SLC37A1: variants seen among roughly 807,000 people sequenced by gnomAD.
SLC37A1 encodes the protein glucose-6-phosphate exchanger SLC37A1.
In SLC37A1, 49 loss-of-function variants were observed where a neutral mutation model predicts 75.3. The observed-to-expected ratio is 0.65, with a 90% CI of 0.52 to 0.83. The LOEUF (loss-of-function observed/expected upper bound fraction) is 0.83, where lower values mean the gene tolerates loss of function less well. Ranked by LOEUF, SLC37A1 falls within the 40% of genes least tolerant of loss-of-function variation. SLC37A1 has a pLI of 0.00. For missense variants in SLC37A1, 566 were observed against 695.0 expected (o/e 0.81, Z 2.09); for synonymous variants, 268 against 292.1 (o/e 0.92, Z 0.84).
At chr21:42,506,854 T>C (rs1476741077) in intron 2 of SLC37A1, among the ~76,000 whole-genome samples, 1 of 152,172 alleles carries the variant, frequency 6.6e-6, no homozygotes, top group African/African-American at 2.4e-5. Context: ...TTGAGTAATA[T>C]TCAGGAAAGA....
At chr21:42,529,894 G>A (rs754919809) in intron 3 of SLC37A1, among the ~76,000 whole-genome samples, 16 of 152,136 alleles carry the variant, frequency 1.1e-4, no homozygotes, top group African/African-American at 2.9e-4. Context: ...AAGCGTTAGC[G>A]CCTTTTGGTG....
rs571910261 is a variant in SLC37A1 at position 42,560,917 on chromosome 21, C to T, written c.982-1161C>T. Among the ~76,000 whole-genome samples the T allele has an allele frequency of 3.3e-5, 5 of 152,208 alleles. No homozygotes were observed. In the South Asian group the frequency reaches 1.0e-3, roughly 32 times the overall value. On this transcript the variant is annotated intron_variant, in intron 11 of 19. Transcript: ENST00000352133. ...GGCTTCAGAGGTCCCGCTCAAGCCT[C>T]CCCCTGCCACCGCCAGGCTGAGTGT...
intron 10 of SLC37A1, 64 bp downstream of exon 10, chr21:42,554,206 C>A: frequency 6.9e-7 from 1 of 1,443,888 alleles, no homozygotes; most frequent in Admixed American, 1.8e-5. Flanking sequence ...CTTTGAGCCA[C>A]GTCGGCTCTC....
intron 1 of SLC37A1, among the ~76,000 whole-genome samples, chr21:42,515,845 G>A (rs1298239296): frequency 2.6e-5 from 4 of 152,128 alleles, no homozygotes; most frequent in South Asian, 4.1e-4. Context: ...TGCAACCTCC[G>A]CTTCCCAGGT....
intron 3 of SLC37A1, among the ~76,000 whole-genome samples, chr21:42,534,048 A>G (rs909764224): frequency 1.3e-5 from 2 of 152,190 alleles, no homozygotes; most frequent in Admixed American, 1.3e-4. Flanking sequence ...AGGGGTAGTC[A>G]TCCTCTAGGT....
At chr21:42,563,571 G>T (rs1252169873) in intron 12 of SLC37A1, among the ~76,000 whole-genome samples, 1 of 152,240 alleles carries the variant, frequency 6.6e-6, no homozygotes, top group Non-Finnish European at 1.5e-5. Context: ...CCCTGGGGGG[G>T]TCTCTGAACC....
At chr21:42,500,047 C>G (rs187600816) in intron 1 of SLC37A1, among the ~76,000 whole-genome samples, 25 of 152,302 alleles carry the variant, frequency 1.6e-4, no homozygotes, top group African/African-American at 5.5e-4. Flanking sequence ...CTTCTGAGCT[C>G]TCCTGGACAG....
At position 42,523,516 on chromosome 21, in the gene SLC37A1, C is replaced by T. The variant is rs78292382; in HGVS notation, c.57-2260C>T. Among the ~76,000 whole-genome samples the T allele has an allele frequency of 2.2e-3, 332 of 152,360 alleles. 1 individual carries two copies. Among genetic ancestry groups the T allele is most frequent in the African/African-American group, 7.7e-3 (321 of 41,576 alleles). ...GCCTAACAGAGAGCTTCATCCAAAGCGCTGAGACTTTCTTTCCTTGCCAGA... is the reference window on the plus strand; with the variant it reads ...GCCTAACAGAGAGCTTCATCCAAAGTGCTGAGACTTTCTTTCCTTGCCAGA... On this transcript the variant is annotated intron_variant, in intron 2 of 19. Coordinates refer to ENST00000352133, the MANE Select transcript of SLC37A1 (RefSeq NM_001320537.2).
At chr21:42,562,382 C>T (rs1275850924) in intron 12 of SLC37A1, among the ~76,000 whole-genome samples, 4 of 152,292 alleles carry the variant, frequency 2.6e-5, no homozygotes, top group Non-Finnish European at 4.4e-5. Context: ...TGGGGCTTCA[C>T]GGTTGACACG....
At chr21:42,518,130 C>T in intron 1 of SLC37A1, 147 bp from the exon 2 acceptor site, 1 of 334,460 alleles carries the variant, frequency 3.0e-6, no homozygotes, top group East Asian at 6.7e-5. Flanking sequence ...AGTAACACTG[C>T]TGGTGGGGGC....
chr21:42,547,469 A>C lies in SLC37A1; in HGVS notation c.768+329A>C. The C allele has an allele frequency of 3.6e-6, 1 of 280,606 alleles. No individual in the cohort carries two copies. Among genetic ancestry groups the C allele is most frequent in the Admixed American group, 4.9e-5 (1 of 20,554 alleles). 17.4% of individuals were successfully genotyped at this position (280,606 alleles called of 1,614,324 possible). A position where few individuals can be genotyped will look rare whatever the true frequency, so the allele number is the denominator to read the frequency against. ...AGGGGCCTCAGTGTGACGGGGAAAA[A>C]CGCACGTGTCAGCTGCCTGCCATCA... On this transcript the variant is annotated intron_variant, in intron 9 of 19. Coordinates refer to ENST00000352133, the MANE Select transcript of SLC37A1 (RefSeq NM_001320537.2). This position sits in a 1 kb window ranked among gnomAD's most constrained non-coding sequence, Gnocchi z 6.1.
rs188014843 is a variant in SLC37A1 at position 42,553,196 on chromosome 21, G to A, written c.769-866G>A. 3.0e-4 allele frequency among the ~76,000 whole-genome samples: 46 copies of A among 152,270 alleles called. No homozygotes were observed. The East Asian group carries it at 8.5e-3, about 28-fold the overall frequency. On this transcript the variant is annotated intron_variant, in intron 9 of 19. Coordinates refer to ENST00000352133, the MANE Select transcript of SLC37A1 (RefSeq NM_001320537.2). The stretch of plus-strand genomic sequence containing the variant: ...TCACAGTTAGCGTGCAAGCCTGGTG[G>A]TTTTTCTTCTCAAATGCATCCAGCA...
chr21:42,530,349 G>A (rs1345521793), intron 3 of SLC37A1, among the ~76,000 whole-genome samples: 3 of 152,128 alleles, frequency 2.0e-5, no homozygotes, highest in Non-Finnish European at 2.9e-5. Context: ...TGCATTTCAC[G>A]TGGCACCTGT....
chr21:42,501,764 T>A (rs1301740786), intron 1 of SLC37A1, among the ~76,000 whole-genome samples: 3 of 152,188 alleles, frequency 2.0e-5, no homozygotes, highest in African/African-American at 4.8e-5. Flanking sequence ...TCTGGCTACA[T>A]GTTAATCCTT....
intron 18 of SLC37A1, among the ~76,000 whole-genome samples, chr21:42,578,588 T>C (rs1184441720): frequency 6.6e-6 from 1 of 152,224 alleles, no homozygotes; most frequent in Non-Finnish European, 1.5e-5. Flanking sequence ...TTCACACAGA[T>C]GGATTTATTT....
rs2055224907 is a variant in SLC37A1 at position 42,539,638 on chromosome 21, G to C, written c.477G>C (p.Val159=). The stretch of plus-strand genomic sequence containing the variant: ...ACATCCACAGTTTCGGATTCTACGT[G>C]GTAACTCAGGTAAGGGTTTGGATCC... The part of the protein sequence containing the change: ...FYNIHSFGFY[V]VTQVINGLVQ... The change falls in exon 6 of 20, where the codon GTG becomes GTC. Residue 159 remains valine, a synonymous_variant. Transcript: ENST00000352133. The C allele has an allele frequency of 1.2e-6, 2 of 1,613,158 alleles. No individual in the cohort carries two copies. The highest frequency in any genetic ancestry group is 2.7e-5 in the African/African-American group (2 of 75,020).
At chr21:42,580,224 C>A in intron 19 of SLC37A1, 121 bp from the exon 20 acceptor site, 2 of 1,160,006 alleles carry the variant, frequency 1.7e-6, no homozygotes, top group Non-Finnish European at 1.3e-6. Context: ...AGAGGAATCC[C>A]TGCTGGGCCG....
intron 11 of SLC37A1, among the ~76,000 whole-genome samples, chr21:42,560,968 C>A (rs1404823145): frequency 2.0e-5 from 3 of 152,164 alleles, no homozygotes; most frequent in South Asian, 4.1e-4. Flanking sequence ...ACACTCTGAG[C>A]CTCCATGTCC....
chr21:42,562,202 C>T (rs78441420), intron 12 of SLC37A1, 34 bp downstream of exon 12: 67,304 of 1,579,760 alleles, frequency 0.043, 1,762 homozygotes, highest in South Asian at 0.077. Context: ...TTAAATTCCG[C>T]ACAGTGACTG....
Sources: gnomAD v4.1 joint callset for allele counts (sites outside exome capture counted in the v4.1 genomes callset) on GRCh38, gnomAD v4.1.1 for gene constraint, Gnocchi (gnomAD v3.1) non-coding constraint, MANE v1.5 for transcripts, NCBI Gene and HGNC (gene_info 2026-07-23, HGNC 2026-07-21) for gene names.